COL22A1: variants seen among roughly 807,000 people sequenced by gnomAD.
The protein encoded by COL22A1 is collagen alpha-1(XXII) chain.
Under a neutral mutation model 248.9 loss-of-function variants are expected in COL22A1, and 221 were observed. The observed-to-expected ratio is 0.89, with a 90% CI of 0.80 to 0.99. The LOEUF (loss-of-function observed/expected upper bound fraction) is 0.99. Ranked by LOEUF, COL22A1 falls within the 50% of genes least tolerant of loss-of-function variation. The pLI is 0.00. For missense variants in COL22A1, 2,240 were observed against 2,179.0 expected (o/e 1.03, Z -0.56); for synonymous variants, 891 against 793.4 (o/e 1.12, Z -2.07).
intron 1 of COL22A1, among the ~76,000 whole-genome samples, chr8:138,894,155 A>T (rs886263963): frequency 2.0e-5 from 3 of 152,204 alleles, no homozygotes; most frequent in Admixed American, 6.5e-5. Context: ...AAAGAACATT[A>T]ACAAGAAAGC....
At chr8:138,811,182 T>C (rs979082643) in intron 9 of COL22A1, among the ~76,000 whole-genome samples, 1 of 151,192 alleles carries the variant, frequency 6.6e-6, no homozygotes, top group Non-Finnish European at 1.5e-5. Flanking sequence ...CTAGTCTCAG[T>C]CCATTCTAGG....
Position 138,811,813 on chromosome 8 carries a change from G to T in COL22A1, c.1435C>A (p.Pro479Thr), listed in dbSNP as rs1818254440. The change falls in exon 9 of 65, where the codon CCA (proline) becomes ACA (threonine). Residue 479 changes from proline (P) to threonine (T), a missense_variant. Pro to Thr is a conservative substitution (Grantham distance 38, BLOSUM62 -1). Coordinates refer to ENST00000303045, the MANE Select transcript of COL22A1 (RefSeq NM_152888.3). Reference sequence around the variant, plus strand: ...GCAGACAATACCTTCTCTCCAGCTGGGCAGGAGCAGTTGATGGTCTTCAAA... The same window carrying T: ...GCAGACAATACCTTCTCTCCAGCTGTGCAGGAGCAGTTGATGGTCTTCAAA... ...GFLKTINCSC[P>T]AGEKGEMGVA... 11 of 1,561,086 alleles carry T rather than the reference G, an allele frequency of 7.0e-6. No individual in the cohort carries two copies. The highest frequency in any genetic ancestry group is 1.4e-5 in the African/African-American group (1 of 73,562).
chr8:138,624,805 C>G (rs1223890687), intron 51 of COL22A1, among the ~76,000 whole-genome samples: 2 of 152,168 alleles, frequency 1.3e-5, no homozygotes, highest in Non-Finnish European at 2.9e-5. Flanking sequence ...CCAGGAAATG[C>G]CTTCTTGATC....
intron 5 of COL22A1, chr8:138,827,887 T>G (rs1270392635): frequency 1.3e-5 from 2 of 152,340 alleles, no homozygotes; most frequent in Admixed American, 1.3e-4. Flanking sequence ...CAGCCTCTCC[T>G]GATTGCACAT....
chr8:138,663,037 A>ACACACACACACACACACACAC (rs764044186), intron 42 of COL22A1, among the ~76,000 whole-genome samples: 1 of 40,508 alleles, frequency 2.5e-5, no homozygotes, highest in Non-Finnish European at 8.5e-5. Flanking sequence ...CACACACACA[A>ACACACACACACACACACACAC]AGCAATCCCT....
In COL22A1 at chr8:138,596,920, C is replaced by G. The variant is rs750053286; in HGVS notation, c.4416G>C (p.Leu1472=). 6.2e-7 allele frequency: 1 copy of G among 1,614,066 alleles called. No individual in the cohort carries two copies. The highest frequency in any genetic ancestry group is 1.1e-5 in the South Asian group (1 of 91,072). Residue 1472 remains leucine, a synonymous_variant, in exon 62 of 65, where the codon CTG becomes CTC. Transcript: ENST00000303045. ...ETLRRLIQEE[L]GKQLETRLAY... is the part of the protein sequence containing the mutation. ...GATACTCACTTTCAAGCTGCTTCCC[C>G]AGCTCTTCTTGAATAAGCCGACGCA...
At chr8:138,802,841 C>G (rs1400250214) in intron 11 of COL22A1, 31 bp downstream of exon 11, 1 of 1,589,430 alleles carries the variant, frequency 6.3e-7, no homozygotes, top group Non-Finnish European at 8.6e-7. Flanking sequence ...CCCTGAGGTT[C>G]AGCCATGTAG....
chr8:138,646,683 CT>C lies in COL22A1; in HGVS notation c.3448-2del. On this transcript the variant is annotated splice_acceptor_variant, in intron 46 of 64. Transcript: ENST00000303045. LOFTEE classifies it high-confidence loss of function. ...GTAGGCCTGGAGGCCCAGCCTCTCC[CT>C]GTATCAGGGATACAAGAAAAAAAAA... is the stretch of plus-strand genomic sequence containing the variant. The C allele has an allele frequency of 1.3e-6, 2 of 1,574,528 alleles. No homozygotes were observed. Among genetic ancestry groups the C allele is most frequent in the Admixed American group, 3.6e-5 (2 of 55,022 alleles).
At chr8:138,658,213 A>C (rs1437463585) in intron 44 of COL22A1, among the ~76,000 whole-genome samples, 4 of 152,206 alleles carry the variant, frequency 2.6e-5, no homozygotes, top group Admixed American at 6.5e-5. Context: ...TAATTAGCTC[A>C]GCAGGCCAGT....
At chr8:138,640,271 A>T (rs960531242) in intron 47 of COL22A1, among the ~76,000 whole-genome samples, 1 of 152,220 alleles carries the variant, frequency 6.6e-6, no homozygotes, top group Non-Finnish European at 1.5e-5. Context: ...GCACATGATA[A>T]AACAATCATT....
At chr8:138,885,668 A>G (rs1200599165) in intron 1 of COL22A1, among the ~76,000 whole-genome samples, 1 of 151,850 alleles carries the variant, frequency 6.6e-6, no homozygotes, top group Non-Finnish European at 1.5e-5. Context: ...GGTTCAAGCA[A>G]TTCTCCTGCC....
At chr8:138,773,213 T>C (rs1834538225) in intron 16 of COL22A1, among the ~76,000 whole-genome samples, 2 of 152,196 alleles carry the variant, frequency 1.3e-5, no homozygotes, top group Non-Finnish European at 2.9e-5. Context: ...CACAGGCCCC[T>C]GAGTGGCCTT....
intron 5 of COL22A1, among the ~76,000 whole-genome samples, chr8:138,829,401 C>CTTTTTTTT (rs1483155408): frequency 2.4e-5 from 2 of 82,254 alleles, no homozygotes; most frequent in African/African-American, 8.3e-5. Context: ...CCTTCCTTTC[C>CTTTTTTTT]TGTTTTTTTT....
chr8:138,693,540 C>G, intron 35 of COL22A1, 106 bp downstream of exon 35: 1 of 1,205,742 alleles, frequency 8.3e-7, no homozygotes, highest in Non-Finnish European at 1.2e-6. Context: ...TTCTGGGCCA[C>G]GTCCTCCTAG....
At chr8:138,639,213 G>T (rs1400888957) in intron 47 of COL22A1, among the ~76,000 whole-genome samples, 1 of 152,164 alleles carries the variant, frequency 6.6e-6, no homozygotes, top group Non-Finnish European at 1.5e-5. Flanking sequence ...GACCAGACAG[G>T]TTCAGTCATT....
rs545825922 is a variant in COL22A1 at position 138,807,601 on chromosome 8, A to G, written c.1494+167T>C. 2.0e-5 allele frequency among the ~76,000 whole-genome samples: 3 copies of G among 152,322 alleles called. No homozygotes were observed. The South Asian group carries it at 6.2e-4, about 32-fold the overall frequency. ...GGTTCTGGGCAGTTAAGAGGCTCCC[A>G]GGATTTCAGACTTTATGACATTTGC... On this transcript the variant is annotated intron_variant, in intron 10 of 64. Coordinates refer to ENST00000303045, the MANE Select transcript of COL22A1 (RefSeq NM_152888.3).
intron 47 of COL22A1, among the ~76,000 whole-genome samples, chr8:138,642,564 G>T (rs1190280417): frequency 6.6e-6 from 1 of 152,174 alleles, no homozygotes; most frequent in East Asian, 1.9e-4. Context: ...TCTGTTCTCA[G>T]AATATTTAAA....
In COL22A1 at chr8:138,651,058, G is replaced by C. The variant is rs571855194; in HGVS notation, c.3334-1280C>G. Among the ~76,000 whole-genome samples the C allele has an allele frequency of 4.6e-5, 7 of 152,298 alleles. No individual in the cohort carries two copies. The East Asian group carries it at 1.4e-3, about 29-fold the overall frequency. The stretch of plus-strand genomic sequence containing the variant: ...TTTTCTTCTTGGTCTCCGATTTCAG[G>C]ATGGTCAAGTTTTTCCATCACAAAA... On this transcript the variant is annotated intron_variant, in intron 45 of 64. Transcript: ENST00000303045.
chr8:138,806,005 T>TGA (rs770387419), intron 10 of COL22A1, among the ~76,000 whole-genome samples: 22 of 140,622 alleles, frequency 1.6e-4, no homozygotes, highest in Non-Finnish European at 2.6e-4. Flanking sequence ...TGTGTGTGTG[T>TGA]GACGGTGTAG....
Sources: allele counts gnomAD v4.1 joint callset (sites outside exome capture counted in the v4.1 genomes callset), GRCh38; gene constraint gnomAD v4.1.1; transcripts MANE v1.5; gene names NCBI Gene and HGNC (gene_info 2026-07-23, HGNC 2026-07-21).